STPG1: variants seen among roughly 807,000 people sequenced by gnomAD.
STPG1 encodes the protein O(6)-methylguanine-induced apoptosis 2.
In STPG1, 33 loss-of-function variants were observed where a neutral mutation model predicts 40.1. That is an observed-to-expected ratio of 0.82 (90% CI 0.62 to 1.10). The LOEUF is 1.10. STPG1 is among the 50% of genes least tolerant of loss of function. STPG1 has a pLI of 0.00. For missense variants in STPG1, 396 were observed against 415.1 expected, an observed-to-expected ratio of 0.95 and a Z score of 0.40; for synonymous variants, 150 against 155.0, an observed-to-expected ratio of 0.97 and a Z score of 0.24.
intron 2 of STPG1, among the ~76,000 whole-genome samples, chr1:24,393,118 A>G (rs1642849891): frequency 1.3e-5 from 2 of 152,224 alleles, no homozygotes; most frequent in Admixed American, 6.5e-5. Context: ...TAAGCGGAAC[A>G]GGTAGGGTGT....
At chr1:24,392,757 G>C (rs974074167) in intron 2 of STPG1, among the ~76,000 whole-genome samples, 2 of 152,148 alleles carry the variant, frequency 1.3e-5, no homozygotes, top group African/African-American at 2.4e-5. Flanking sequence ...TTTTGGGTGG[G>C]GGGGTGCATC....
At position 24,369,671 on chromosome 1, in the gene STPG1, C is replaced by T. The variant is rs1470906907; in HGVS notation, c.737+3G>A. Reference sequence around the variant, plus strand: ...AAGAAAGACCAGAATGATTGGGACTCACGGGAAAAGAGTCTTTTTTGGAAC... The same window carrying T: ...AAGAAAGACCAGAATGATTGGGACTTACGGGAAAAGAGTCTTTTTTGGAAC... On this transcript the variant is annotated splice_donor_region_variant and intron_variant, in intron 7 of 8. Transcript: ENST00000337248. 2 of 1,586,958 alleles carry T rather than the reference C, an allele frequency of 1.3e-6. No homozygotes were observed. The highest frequency in any genetic ancestry group is 1.1e-5 in the South Asian group (1 of 87,938).
At chr1:24,375,048 G>T (rs1332043103) in intron 5 of STPG1, among the ~76,000 whole-genome samples, 1 of 152,178 alleles carries the variant, frequency 6.6e-6, no homozygotes, top group Non-Finnish European at 1.5e-5. Flanking sequence ...ACACAAGAAA[G>T]TCGTATCATT....
At position 24,371,564 on chromosome 1, in the gene STPG1, C is replaced by G. The variant is rs548070132; in HGVS notation, c.572-1725G>C. ...CGAGATTGCACCGTTGCTCTCCAGC[C>G]TGGGCAACAGAGCGAGACTCCCTCT... On this transcript the variant is annotated intron_variant, in intron 6 of 8. Transcript: ENST00000337248. 9.4e-5 allele frequency among the ~76,000 whole-genome samples: 14 copies of G among 149,318 alleles called. 1 individual carries two copies. The highest frequency in any genetic ancestry group is 1.8e-4 in the Non-Finnish European group (12 of 67,700).
intron 5 of STPG1, among the ~76,000 whole-genome samples, chr1:24,377,584 T>G (rs998144571): frequency 1.3e-5 from 2 of 152,190 alleles, no homozygotes; most frequent in African/African-American, 4.8e-5. Flanking sequence ...GACTTGGTAC[T>G]GCCAACCTCC....
chr1:24,405,470 T>C lies in STPG1; in HGVS notation c.-68-4014A>G, dbSNP rs191502800. 3.2e-3 allele frequency among the ~76,000 whole-genome samples: 483 copies of C among 152,332 alleles called. 2 individuals are homozygous for C. The highest frequency in any genetic ancestry group is 0.011 in the African/African-American group (467 of 41,596). ...TAGTCAGGGGGATTCTCTAGTTATC[T>C]TTTTGTTGTTGATTTGAATTTTCCT... On this transcript the variant is annotated intron_variant, in intron 1 of 8. Transcript: ENST00000337248.
At chr1:24,364,626 C>T in intron 7 of STPG1, 1 of 482,388 alleles carries the variant, frequency 2.1e-6, no homozygotes, top group Non-Finnish European at 3.3e-6. Flanking sequence ...TGTAAAGGAG[C>T]CCAGGCATCT....
At chr1:24,397,579 G>A (rs763327116) in intron 2 of STPG1, among the ~76,000 whole-genome samples, 2 of 151,768 alleles carry the variant, frequency 1.3e-5, no homozygotes, top group East Asian at 3.9e-4. Flanking sequence ...ATAATACATC[G>A]TGACCAACCC....
chr1:24,382,902 C>A (rs1642349058), intron 4 of STPG1, among the ~76,000 whole-genome samples: 1 of 142,500 alleles, frequency 7.0e-6, no homozygotes. Context: ...AGAGTCTGGG[C>A]TTGCTTTCTT....
chr1:24,398,952 AGAGTT>A (rs1183651514), intron 2 of STPG1, among the ~76,000 whole-genome samples: 7 of 152,164 alleles, frequency 4.6e-5, no homozygotes, highest in Admixed American at 4.6e-4. Context: ...AAATGAGAGT[AGAGTT>A]TTTTTAAGAC....
At chr1:24,390,620 T>C (rs1209981170) in intron 3 of STPG1, among the ~76,000 whole-genome samples, 2 of 152,160 alleles carry the variant, frequency 1.3e-5, no homozygotes, top group South Asian at 2.1e-4. Context: ...GGTTTCACCA[T>C]GTTGGCCAGG....
chr1:24,382,780 T>C (rs1011034893), intron 4 of STPG1, among the ~76,000 whole-genome samples: 18 of 151,722 alleles, frequency 1.2e-4, no homozygotes, highest in Admixed American at 6.6e-5. Context: ...GGTCCCTTTG[T>C]GTGGTTAAAA....
intron 1 of STPG1, among the ~76,000 whole-genome samples, chr1:24,405,345 G>A (rs76883673): frequency 0.029 from 4,349 of 152,172 alleles, 196 homozygotes; most frequent in African/African-American, 0.099. Context: ...TTAACATGTT[G>A]TGTTTTCATT....
In STPG1 at chr1:24,379,655, T is replaced by C. The variant is rs780036113; in HGVS notation, c.460A>G (p.Asn154Asp). 3 of 1,614,148 alleles carry C rather than the reference T, an allele frequency of 1.9e-6. No homozygotes were observed. In the East Asian group the frequency reaches 6.7e-5, roughly 36 times the overall value. ...KFETPAPNYY[N>D]ASVSCCKQRN... ...GCAAGCATAGGCAGAGTTCTTACAT[T>C]GTAATAGTTTGGTGCAGGAGTTTCA... Residue 154 changes from asparagine to aspartate, a missense_variant and splice_region_variant, in exon 5 of 9, where the codon AAT (asparagine) becomes GAT (aspartate). Asn to Asp is a conservative substitution (Grantham distance 23). Transcript: ENST00000337248.
intron 3 of STPG1, among the ~76,000 whole-genome samples, chr1:24,384,540 G>A (rs1001566420): frequency 1.3e-5 from 2 of 152,192 alleles, no homozygotes; most frequent in South Asian, 4.1e-4. Flanking sequence ...GACAAAAAGA[G>A]GCAAGCTCTT....
intron 7 of STPG1, chr1:24,364,166 C>G: frequency 1.3e-6 from 2 of 1,487,708 alleles, no homozygotes; most frequent in Non-Finnish European, 9.0e-7. Flanking sequence ...CAATTCTTGA[C>G]GTTCTCACTT....
intron 7 of STPG1, among the ~76,000 whole-genome samples, chr1:24,365,468 A>C (rs1352901658): frequency 6.6e-6 from 1 of 152,190 alleles, no homozygotes; most frequent in African/African-American, 2.4e-5. Flanking sequence ...CTTGGCTGAT[A>C]CTTCACTTTG....
chr1:24,393,410 C>G, intron 2 of STPG1, among the ~76,000 whole-genome samples: 1 of 152,212 alleles, frequency 6.6e-6, no homozygotes, highest in Non-Finnish European at 1.5e-5. Context: ...GAGAGCTATA[C>G]AGCAAATCAA....
rs1250503152 is a variant in STPG1, at chr1:24,399,795, T to A, written c.70+1524A>T. 6.6e-6 allele frequency among the ~76,000 whole-genome samples: 1 copy of A among 151,998 alleles called. No individual in the cohort carries two copies. The highest frequency in any genetic ancestry group is 1.5e-5 in the Non-Finnish European group (1 of 67,982). ...AACAGTCACTTCTCCAAAGAGAATA[T>A]CCAAAAGGCCAGTCAACATGAAAAA... On this transcript the variant is annotated intron_variant, in intron 2 of 8. Coordinates refer to ENST00000337248, the MANE Select transcript of STPG1 (RefSeq NM_001199013.2). This position sits in a 1 kb window ranked among gnomAD's most constrained non-coding sequence, Gnocchi z 4.0.
Sources: allele counts gnomAD v4.1 joint callset (sites outside exome capture counted in the v4.1 genomes callset), GRCh38; gene constraint gnomAD v4.1.1; non-coding constraint Gnocchi (gnomAD v3.1); transcripts MANE v1.5; gene names NCBI Gene and HGNC (gene_info 2026-07-23, HGNC 2026-07-21).